Variants in ADCY5 observed in about 807,000 individuals in gnomAD.
ADCY5 encodes the protein adenylate cyclase 5.
ADCY5 carries 30 observed loss-of-function variants against 119.7 expected under a neutral mutation model. The observed-to-expected ratio is 0.25, with a 90% CI of 0.19 to 0.34. The LOEUF is 0.34. Among genes scored for constraint, ADCY5 ranks in the 10% least tolerant of loss-of-function variants. The pLI is 1.00. For missense variants in ADCY5, 1,324 were observed against 1,775.2 expected, an observed-to-expected ratio of 0.75 and a Z score of 4.57; for synonymous variants, 753 against 762.2, an observed-to-expected ratio of 0.99 and a Z score of 0.20.
chr3:123,318,105 C>A lies in ADCY5; in HGVS notation c.2269G>T (p.Val757Leu). Residue 757 changes from valine to leucine, a missense_variant, in exon 11 of 21, where the codon GTA becomes TTA. Coordinates refer to ENST00000462833, the MANE Select transcript of ADCY5 (RefSeq NM_183357.3). ...PDLEKKYSKQ[V>L]DDRFGAYVAC... Reference sequence around the variant, plus strand: ...ACATAGGCACCAAATCGGTCGTCTACCTGCTTGGAGTACTGAGAGGAGACG... The same window carrying A: ...ACATAGGCACCAAATCGGTCGTCTAACTGCTTGGAGTACTGAGAGGAGACG... The A allele has an allele frequency of 6.2e-7, 1 of 1,613,424 alleles. No homozygotes were observed. The highest frequency in any genetic ancestry group is 8.5e-7 in the Non-Finnish European group (1 of 1,179,760).
chr3:123,326,523 A>C (rs1358150534), intron 7 of ADCY5, among the ~76,000 whole-genome samples: 1 of 152,246 alleles, frequency 6.6e-6, no homozygotes, highest in Non-Finnish European at 1.5e-5. Flanking sequence ...CTCAGGGTCT[A>C]GGGCAGGAAG....
rs564893289 is a variant in ADCY5, at chr3:123,364,248, T to C, written c.1135-11667A>G. Among the ~76,000 whole-genome samples, 65 of 152,330 alleles carry C rather than the reference T, an allele frequency of 4.3e-4. No individual in the cohort carries two copies. In the South Asian group the frequency reaches 0.013, roughly 30 times the overall value. On this transcript the variant is annotated intron_variant, in intron 1 of 20. Transcript: ENST00000462833. ...AAACTTACATAAAGAAAGAAAAAAG[T>C]ACATGCTTGTGCTATGAGCACGGCT... is the stretch of plus-strand genomic sequence containing the variant.
At chr3:123,383,781 G>GCA (rs147271526) in intron 1 of ADCY5, among the ~76,000 whole-genome samples, 8 of 151,266 alleles carry the variant, frequency 5.3e-5, no homozygotes, top group South Asian at 2.1e-4. Flanking sequence ...ATGCAGGCAG[G>GCA]CACACACACA....
chr3:123,376,230 C>T (rs1943828532), intron 1 of ADCY5, among the ~76,000 whole-genome samples: 2 of 150,178 alleles, frequency 1.3e-5, no homozygotes, highest in Non-Finnish European at 3.0e-5. Context: ...GGCTACTGCA[C>T]ACATGCTCTC....
At chr3:123,425,707 A>AC (rs5852337) in intron 1 of ADCY5, among the ~76,000 whole-genome samples, 143,156 of 145,956 alleles carry the variant, frequency 0.98, 70,224 homozygotes, top group Middle Eastern at 1. Flanking sequence ...GGCCCAGCCC[A>AC]CCCCCCAGTT....
Position 123,352,468 on chromosome 3 carries a change from C to T in ADCY5, c.1248G>A (p.Gln416=), listed in dbSNP as rs752281216. ...TCTCCCGCTGCGAGTGGAGCCGCGC[C>T]TGGATGCACTCTCGGGTCTCCTGGA... ...QAFQETRECI[Q]ARLHSQRENQ... The change falls in exon 2 of 21, where the codon CAG becomes CAA. Residue 416 remains glutamine (Q), a synonymous_variant. Coordinates refer to ENST00000462833, the MANE Select transcript of ADCY5 (RefSeq NM_183357.3). This position sits in a 1 kb window ranked among gnomAD's most constrained non-coding sequence, Gnocchi z 4.8. 24 of 1,613,852 alleles carry T rather than the reference C, an allele frequency of 1.5e-5. No individual in the cohort carries two copies. The highest frequency in any genetic ancestry group is 2.0e-5 in the Non-Finnish European group (24 of 1,179,962).
In ADCY5 at chr3:123,319,824, G is replaced by A. The variant is rs899499300; in HGVS notation, c.2112-6C>T. On this transcript the variant is annotated splice_region_variant and splice_polypyrimidine_tract_variant and intron_variant, in intron 9 of 20. Coordinates refer to ENST00000462833, the MANE Select transcript of ADCY5 (RefSeq NM_183357.3). ...TCGCACTCTCCTGGGCGTTCCTGGG[G>A]AGCAGAAGGCACGGGCGTGAGACAG... 6.2e-6 allele frequency: 10 copies of A among 1,612,560 alleles called. No homozygotes were observed. Among genetic ancestry groups the A allele is most frequent in the Admixed American group, 5.0e-5 (3 of 59,998 alleles).
chr3:123,403,628 C>T (rs2107612779), intron 1 of ADCY5, among the ~76,000 whole-genome samples: 1 of 152,200 alleles, frequency 6.6e-6, no homozygotes. Context: ...GGAATGCTGC[C>T]CTCTCCTCCC....
intron 1 of ADCY5, chr3:123,419,216 C>A: frequency 1.0e-6 from 1 of 985,416 alleles, no homozygotes. Context: ...ATCTGACGAG[C>A]ACACAGTCAG....
intron 1 of ADCY5, among the ~76,000 whole-genome samples, chr3:123,359,916 T>C (rs903311534): frequency 6.6e-6 from 1 of 152,174 alleles, no homozygotes; most frequent in Non-Finnish European, 1.5e-5. Context: ...ACAGTGGTGG[T>C]GGGAAGCTCA....
intron 1 of ADCY5, among the ~76,000 whole-genome samples, chr3:123,397,249 A>T (rs1393967237): frequency 6.6e-6 from 1 of 152,060 alleles, no homozygotes; most frequent in Admixed American, 6.5e-5. Flanking sequence ...ATCCAGAATC[A>T]CTTGCCCCTC....
intron 1 of ADCY5, among the ~76,000 whole-genome samples, chr3:123,369,577 C>T (rs1045365944): frequency 3.3e-5 from 5 of 152,214 alleles, no homozygotes; most frequent in African/African-American, 1.2e-4. Context: ...CCCTTATTTG[C>T]TGGCTGACCT....
intron 12 of ADCY5, among the ~76,000 whole-genome samples, chr3:123,310,823 G>A (rs753082112): frequency 2.0e-5 from 3 of 152,150 alleles, no homozygotes; most frequent in Non-Finnish European, 4.4e-5. Context: ...AGGACACGAT[G>A]AAGACCAAGG....
chr3:123,354,380 G>T (rs1279616808), intron 1 of ADCY5, among the ~76,000 whole-genome samples: 1 of 152,214 alleles, frequency 6.6e-6, no homozygotes, highest in Non-Finnish European at 1.5e-5. Context: ...CCTGCGTGTG[G>T]CTGGGAGCCA....
At chr3:123,356,458 A>G (rs9844550) in intron 1 of ADCY5, among the ~76,000 whole-genome samples, 2,537 of 152,324 alleles carry the variant, frequency 0.017, 76 homozygotes, top group African/African-American at 0.058. Flanking sequence ...CTTTTAAAAA[A>G]TCGTGATAGA....
intron 1 of ADCY5, among the ~76,000 whole-genome samples, chr3:123,365,059 G>A (rs964670896): frequency 2.4e-4 from 36 of 151,816 alleles, no homozygotes; most frequent in Admixed American, 1.3e-3. Flanking sequence ...TCAGCCTCCC[G>A]AGTAGCTGGG....
chr3:123,318,582 C>G (rs902350210), intron 10 of ADCY5, among the ~76,000 whole-genome samples: 1 of 152,212 alleles, frequency 6.6e-6, no homozygotes, highest in East Asian at 1.9e-4. Context: ...CCAGCCCCAG[C>G]TCCGCCCATG....
rs562730628 is a variant in ADCY5 at position 123,307,246 on chromosome 3, T to C, written c.2443-3063A>G. 4.6e-5 allele frequency among the ~76,000 whole-genome samples: 7 copies of C among 152,308 alleles called. 1 individual carries two copies. Among genetic ancestry groups the C allele is most frequent in the African/African-American group, 1.7e-4 (7 of 41,564 alleles). On this transcript the variant is annotated intron_variant, in intron 12 of 20. Coordinates refer to ENST00000462833, the MANE Select transcript of ADCY5 (RefSeq NM_183357.3). ...ATAAAGGTGAATTTTATGGTATGCA[T>C]ATTATGTCGCAATGAAGCTCTTATT...
chr3:123,415,354 C>A (rs369016733), intron 1 of ADCY5, among the ~76,000 whole-genome samples: 1 of 152,168 alleles, frequency 6.6e-6, no homozygotes, highest in Non-Finnish European at 1.5e-5. Context: ...ACCACCTCCA[C>A]GCCAGAGCCA....
Sources: gnomAD v4.1 joint callset for allele counts (sites outside exome capture counted in the v4.1 genomes callset) on GRCh38, gnomAD v4.1.1 for gene constraint, Gnocchi (gnomAD v3.1) non-coding constraint, MANE v1.5 for transcripts, NCBI Gene and HGNC (gene_info 2026-07-23, HGNC 2026-07-21) for gene names.